The following TCERG1L variants were observed in gnomAD, a reference collection of about 807,000 sequenced individuals.
TCERG1L encodes transcription elongation regulator 1-like protein.
A neutral mutation model predicts 56.3 loss-of-function variants in TCERG1L; 37 were observed. That is an observed-to-expected ratio of 0.66 (90% confidence interval 0.51 to 0.87). The LOEUF is 0.87. TCERG1L is among the 40% of genes least tolerant of loss of function. TCERG1L has a pLI of 0.00. For missense variants in TCERG1L, 799 were observed against 774.2 expected, an observed-to-expected ratio of 1.03 and a Z score of -0.38; for synonymous variants, 324 against 326.3, an observed-to-expected ratio of 0.99 and a Z score of 0.08.
intron 4 of TCERG1L, among the ~76,000 whole-genome samples, chr10:131,183,555 A>G (rs1845203715): frequency 6.6e-6 from 1 of 152,112 alleles, no homozygotes. Context: ...GATATAATCT[A>G]ATCCCAGTTC....
chr10:131,233,801 G>A (rs550858411), intron 4 of TCERG1L, among the ~76,000 whole-genome samples: 9 of 152,298 alleles, frequency 5.9e-5, no homozygotes, highest in Admixed American at 2.6e-4. Context: ...CCTCAGTGTG[G>A]CCATGTTGGG....
At chr10:131,155,357 T>A (rs10765043) in intron 6 of TCERG1L, among the ~76,000 whole-genome samples, 73,611 of 152,130 alleles carry the variant, frequency 0.48, 20,403 homozygotes, top group Non-Finnish European at 0.61. Context: ...CATGGTCATG[T>A]CAAGCCGAGT....
At chr10:131,238,901 G>A (rs961346879) in intron 4 of TCERG1L, among the ~76,000 whole-genome samples, 5 of 152,212 alleles carry the variant, frequency 3.3e-5, no homozygotes, top group Admixed American at 1.3e-4. Flanking sequence ...TAGGTGTCCC[G>A]GGAAAGCCTG....
chr10:131,207,754 C>T (rs1321715572), intron 4 of TCERG1L, among the ~76,000 whole-genome samples: 4 of 152,134 alleles, frequency 2.6e-5, no homozygotes, highest in South Asian at 2.1e-4. Flanking sequence ...GCGCCAGGCC[C>T]GGGAACCAGG....
intron 8 of TCERG1L, among the ~76,000 whole-genome samples, chr10:131,127,531 C>T (rs1160787461): frequency 6.6e-6 from 1 of 152,188 alleles, no homozygotes; most frequent in African/African-American, 2.4e-5. Context: ...GGGAGTATCT[C>T]ATGCCAGATA....
At chr10:131,143,753 G>T (rs559874759) in intron 7 of TCERG1L, among the ~76,000 whole-genome samples, 4 of 152,266 alleles carry the variant, frequency 2.6e-5, no homozygotes, top group African/African-American at 9.6e-5. Flanking sequence ...GCATGGCACG[G>T]AACGGATGGG....
At chr10:131,171,243 G>A (rs928018480) in intron 4 of TCERG1L, among the ~76,000 whole-genome samples, 4 of 151,846 alleles carry the variant, frequency 2.6e-5, no homozygotes, top group Non-Finnish European at 5.9e-5. Flanking sequence ...TATCTCCTGG[G>A]CAAGTCTTAG....
intron 7 of TCERG1L, among the ~76,000 whole-genome samples, chr10:131,138,313 A>G (rs780350671): frequency 2.1e-4 from 32 of 152,170 alleles, no homozygotes; most frequent in Non-Finnish European, 4.7e-4. Context: ...GAATAGCACT[A>G]GAGAGGCTGC....
At chr10:131,245,259 G>C (rs570576331) in intron 4 of TCERG1L, among the ~76,000 whole-genome samples, 1 of 152,198 alleles carries the variant, frequency 6.6e-6, no homozygotes, top group Admixed American at 6.5e-5. Flanking sequence ...GAGATGAAAG[G>C]AGCCTGCAGG....
At position 131,311,137 on chromosome 10, in the gene TCERG1L, G is replaced by A. The variant is rs1846887923; in HGVS notation, c.342+157C>T. Among the ~76,000 whole-genome samples, 1 of 152,166 alleles carries A rather than the reference G, an allele frequency of 6.6e-6. No homozygotes were observed. Among genetic ancestry groups the A allele is most frequent in the South Asian group, 2.1e-4 (1 of 4,834 alleles). Reference sequence around the variant, plus strand: ...GCGTCCAAGCACGAACTTTCTCGCCGAGGCACGGCTGCCGGGCTCCGTCCT... The same window carrying A: ...GCGTCCAAGCACGAACTTTCTCGCCAAGGCACGGCTGCCGGGCTCCGTCCT... On this transcript the variant is annotated intron_variant, in intron 1 of 11. Coordinates refer to ENST00000368642, the MANE Select transcript of TCERG1L (RefSeq NM_174937.4). This position sits in a 1 kb window ranked among gnomAD's most constrained non-coding sequence, Gnocchi z 4.0.
At chr10:131,197,439 C>A (rs1455807395) in intron 4 of TCERG1L, among the ~76,000 whole-genome samples, 2 of 152,178 alleles carry the variant, frequency 1.3e-5, no homozygotes, top group African/African-American at 4.8e-5. Flanking sequence ...CCTGCCTCGG[C>A]CTCCCAAAGT....
At chr10:131,290,851 C>T (rs1048189975) in intron 3 of TCERG1L, among the ~76,000 whole-genome samples, 3 of 152,132 alleles carry the variant, frequency 2.0e-5, no homozygotes, top group African/African-American at 7.2e-5. Context: ...GGTTCATACA[C>T]ACATGCTCCT....
At chr10:131,232,423 A>G (rs1845862728) in intron 4 of TCERG1L, among the ~76,000 whole-genome samples, 1 of 152,236 alleles carries the variant, frequency 6.6e-6, no homozygotes, top group African/African-American at 2.4e-5. Context: ...TGGCAGAATC[A>G]GTGGCTAACA....
intron 4 of TCERG1L, among the ~76,000 whole-genome samples, chr10:131,249,465 C>A (rs533486723): frequency 2.0e-5 from 3 of 152,178 alleles, no homozygotes; most frequent in Non-Finnish European, 4.4e-5. Context: ...TGGCTCCACC[C>A]GGGTCCCCAG....
chr10:131,099,786 G>A (rs576827133), intron 10 of TCERG1L, among the ~76,000 whole-genome samples: 1 of 152,320 alleles, frequency 6.6e-6, no homozygotes, highest in Non-Finnish European at 1.5e-5. Context: ...GCAGCGAAAT[G>A]AAACATCCAC....
chr10:131,113,193 C>T (rs1321120475), intron 9 of TCERG1L, among the ~76,000 whole-genome samples: 3 of 142,962 alleles, frequency 2.1e-5, no homozygotes, highest in African/African-American at 4.9e-5. Flanking sequence ...ACAATATAGC[C>T]AGCTGATTTC....
chr10:131,283,007 G>A (rs141958703), intron 3 of TCERG1L, among the ~76,000 whole-genome samples: 6 of 152,280 alleles, frequency 3.9e-5, no homozygotes, highest in South Asian at 2.1e-4. Flanking sequence ...ATTGAGTTGC[G>A]TAATTTGAGG....
chr10:131,299,014 CTTT>C (rs950540858), intron 3 of TCERG1L, among the ~76,000 whole-genome samples: 1 of 152,032 alleles, frequency 6.6e-6, no homozygotes, highest in Non-Finnish European at 1.5e-5. Context: ...TTGTGAATTT[CTTT>C]TATTAGATTA....
chr10:131,292,763 G>T (rs1589775231), intron 3 of TCERG1L, among the ~76,000 whole-genome samples: 1 of 143,694 alleles, frequency 7.0e-6, no homozygotes, highest in Admixed American at 7.2e-5. Context: ...TACAAATGTG[G>T]AGCAGTGATA....
Sources: gnomAD v4.1 joint callset for allele counts (sites outside exome capture counted in the v4.1 genomes callset) on GRCh38, gnomAD v4.1.1 for gene constraint, Gnocchi (gnomAD v3.1) non-coding constraint, MANE v1.5 for transcripts, NCBI Gene and HGNC (gene_info 2026-07-23, HGNC 2026-07-21) for gene names.